NIPBL: variants seen among roughly 807,000 people sequenced by gnomAD.
The protein encoded by NIPBL is nipped-B-like protein.
In NIPBL, 19 loss-of-function variants were observed where a neutral mutation model predicts 321.8. The observed-to-expected ratio is 0.06, with a 90% confidence interval of 0.04 to 0.09. NIPBL has a LOEUF of 0.09. Among genes scored for constraint, NIPBL ranks in the 10% least tolerant of loss-of-function variants. The pLI, the probability that NIPBL is intolerant of heterozygous loss-of-function variation, is 1.00. For missense variants in NIPBL, 2,210 were observed against 3,327.0 expected (o/e 0.66, Z 8.26); for synonymous variants, 1,106 against 1,114.1 (o/e 0.99, Z 0.14).
Position 36,905,060 on chromosome 5 carries a change from A to C in NIPBL, c.-80+27882A>C, listed in dbSNP as rs145734594. On this transcript the variant is annotated intron_variant, in intron 1 of 46. Transcript: ENST00000282516. ...GATGCAAAAGTGAAAAATTCGACAA[A>C]AACAAGTACAGGAAGCAAGTTGAGG... Among the ~76,000 whole-genome samples the C allele has an allele frequency of 8.3e-4, 126 of 152,250 alleles. 1 individual carries two copies. Among genetic ancestry groups the C allele is most frequent in the South Asian group, 8.1e-3 (39 of 4,816 alleles).
At chr5:37,010,325 C>G (rs1227593482) in intron 21 of NIPBL, 100 bp downstream of exon 21, 1 of 1,071,562 alleles carries the variant, frequency 9.3e-7, no homozygotes, top group Non-Finnish European at 1.4e-6. Context: ...TTTTTTCTTT[C>G]TTTTTTTTGA....
intron 1 of NIPBL, among the ~76,000 whole-genome samples, chr5:36,941,428 A>T (rs1211368208): frequency 1.3e-5 from 2 of 151,750 alleles, no homozygotes; most frequent in East Asian, 1.9e-4. Context: ...TAGGTACTTT[A>T]AAAAAAATCA....
chr5:36,955,661 T>G, intron 3 of NIPBL, 24 bp downstream of exon 3: 1 of 1,602,920 alleles, frequency 6.2e-7, no homozygotes, highest in South Asian at 1.1e-5. Flanking sequence ...ATTTTATATC[T>G]ACTATAAGTG....
Position 37,024,392 on chromosome 5 carries a change from T to C in NIPBL, c.5575-193T>C, listed in dbSNP as rs13181330. Among the ~76,000 whole-genome samples the C allele has an allele frequency of 0.11, 16,234 of 151,678 alleles. 1,143 individuals are homozygous for C. The highest frequency in any genetic ancestry group is 0.19 in the Admixed American group (2,864 of 15,208). ...ATATGTTTCTATGTCTTAGATATCATACTTTAAAAGTAAAGACAACATAAA... is the reference window on the plus strand; with the variant it reads ...ATATGTTTCTATGTCTTAGATATCACACTTTAAAAGTAAAGACAACATAAA... On this transcript the variant is annotated intron_variant, in intron 29 of 46. Transcript: ENST00000282516.
intron 1 of NIPBL, among the ~76,000 whole-genome samples, chr5:36,901,054 T>TA (rs768872863): frequency 5.9e-5 from 9 of 152,132 alleles, no homozygotes; most frequent in Non-Finnish European, 1.2e-4. Context: ...GTGACCCAGG[T>TA]AATGAGCATA....
rs757394370 is a variant in NIPBL, at chr5:36,985,681, G to A, written c.2501G>A (p.Arg834Gln). Residue 834 changes from arginine (R) to glutamine (Q), a missense_variant, in exon 10 of 47, where the codon CGA becomes CAA. Around this residue, in one of 14 missense-constraint regions of NIPBL, gnomAD observed 588 missense variants for 564.1 expected, o/e 1.04. Coordinates refer to ENST00000282516, the MANE Select transcript of NIPBL (RefSeq NM_133433.4). ...SDDRGESERH[R>Q]GDQSRVRRPE... ...GACAGGGGTGAATCAGAGCGACATCGAGGGGATCAGTCTAGGGTTCGAAGA... is the reference window on the plus strand; with the variant it reads ...GACAGGGGTGAATCAGAGCGACATCAAGGGGATCAGTCTAGGGTTCGAAGA... 1.1e-5 allele frequency: 18 copies of A among 1,613,772 alleles called. No individual in the cohort carries two copies. Among genetic ancestry groups the A allele is most frequent in the Middle Eastern group, 1.6e-4 (1 of 6,084 alleles).
At chr5:36,911,747 G>T (rs979707661) in intron 1 of NIPBL, among the ~76,000 whole-genome samples, 5 of 152,140 alleles carry the variant, frequency 3.3e-5, no homozygotes, top group Non-Finnish European at 5.9e-5. Context: ...AACTTCAAAT[G>T]TCATTGCTCT....
chr5:37,029,865 T>C (rs1250399212), intron 32 of NIPBL, among the ~76,000 whole-genome samples: 1 of 152,206 alleles, frequency 6.6e-6, no homozygotes, highest in Non-Finnish European at 1.5e-5. Context: ...TCATTTCATA[T>C]TTTTACATGA....
intron 1 of NIPBL, among the ~76,000 whole-genome samples, chr5:36,924,262 TATTA>T (rs1469125319): frequency 6.6e-6 from 1 of 152,186 alleles, no homozygotes; most frequent in East Asian, 1.9e-4. Flanking sequence ...TTTAATAAAT[TATTA>T]ATTATGGATG....
intron 1 of NIPBL, among the ~76,000 whole-genome samples, chr5:36,948,180 T>G (rs1179115498): frequency 1.3e-5 from 2 of 151,946 alleles, no homozygotes; most frequent in Non-Finnish European, 2.9e-5. Context: ...GGATGTTCCA[T>G]CTTGTTAACC....
At chr5:36,890,875 C>T (rs184862587) in intron 1 of NIPBL, among the ~76,000 whole-genome samples, 1 of 152,298 alleles carries the variant, frequency 6.6e-6, no homozygotes, top group African/African-American at 2.4e-5. Flanking sequence ...GTGATGTGAA[C>T]ATGGTCATGA....
At chr5:37,010,272 A>G in intron 21 of NIPBL, 47 bp downstream of exon 21, 1 of 1,368,152 alleles carries the variant, frequency 7.3e-7, no homozygotes, top group Non-Finnish European at 1.0e-6. Flanking sequence ...TATTGAAGGA[A>G]ATACCTATAT....
chr5:36,991,191 T>C (rs1745472696), intron 10 of NIPBL, among the ~76,000 whole-genome samples: 1 of 152,102 alleles, frequency 6.6e-6, no homozygotes, highest in East Asian at 1.9e-4. Flanking sequence ...TATTACAAAT[T>C]ATAGTACAAA....
intron 11 of NIPBL, among the ~76,000 whole-genome samples, chr5:36,999,209 C>T (rs1746505015): frequency 2.0e-5 from 3 of 152,260 alleles, no homozygotes; most frequent in Admixed American, 2.0e-4. Flanking sequence ...ATCCTTACAT[C>T]TAAGCCAAGT....
intron 1 of NIPBL, among the ~76,000 whole-genome samples, chr5:36,931,638 A>G (rs143943547): frequency 3.9e-5 from 6 of 152,148 alleles, no homozygotes; most frequent in Admixed American, 1.3e-4. Flanking sequence ...TTTCTAAAGT[A>G]TTGGTAGTGA....
chr5:36,877,778 G>A (rs1380451701), intron 1 of NIPBL, among the ~76,000 whole-genome samples: 1 of 152,126 alleles, frequency 6.6e-6, no homozygotes, highest in Non-Finnish European at 1.5e-5. Context: ...TTTGGACGTT[G>A]GAAAGTTCAT....
chr5:36,901,500 CTTTTTT>C (rs35178851), intron 1 of NIPBL, among the ~76,000 whole-genome samples: 3 of 77,412 alleles, frequency 3.9e-5, no homozygotes, highest in East Asian at 4.4e-4. Context: ...CTTCTAAGTC[CTTTTTT>C]TTTTTTTTTT....
chr5:36,880,887 G>A (rs931631472), intron 1 of NIPBL, among the ~76,000 whole-genome samples: 4 of 152,018 alleles, frequency 2.6e-5, no homozygotes, highest in African/African-American at 9.7e-5. Context: ...ACACTTAAGA[G>A]ACCATATGAT....
Position 37,060,837 on chromosome 5 carries a change from A to G in NIPBL, c.7686-7A>G. On this transcript the variant is annotated splice_polypyrimidine_tract_variant and splice_region_variant and intron_variant, in intron 44 of 46. Coordinates refer to ENST00000282516, the MANE Select transcript of NIPBL (RefSeq NM_133433.4). Reference sequence around the variant, plus strand: ...TTAAAGTTTTTGGTTTTGTTTTCCCAAAACAGTAAAATTCAGAAGTACTCT... The same window carrying G: ...TTAAAGTTTTTGGTTTTGTTTTCCCGAAACAGTAAAATTCAGAAGTACTCT... 6.2e-7 allele frequency: 1 copy of G among 1,612,092 alleles called. No homozygotes were observed. Among genetic ancestry groups the G allele is most frequent in the Non-Finnish European group, 8.5e-7 (1 of 1,179,224 alleles).
Sources: allele counts gnomAD v4.1 joint callset (sites outside exome capture counted in the v4.1 genomes callset), GRCh38; gene constraint gnomAD v4.1.1; regional missense constraint gnomAD v4.1.1; transcripts MANE v1.5; gene names NCBI Gene and HGNC (gene_info 2026-07-23, HGNC 2026-07-21).